The following PKD1 variants were observed in gnomAD, a reference collection of about 807,000 sequenced individuals.
The protein encoded by PKD1 is polycystin 1, transient receptor potential channel interacting.
A neutral mutation model predicts 361.7 loss-of-function variants in PKD1; 81 were observed. That is an observed-to-expected ratio of 0.22 (90% confidence interval 0.19 to 0.27). The LOEUF is 0.27. Ranked by LOEUF, PKD1 falls within the 10% of genes least tolerant of loss-of-function variation. The probability of loss-of-function intolerance (pLI) is 1.00; values close to 1 mark genes in which losing one functional copy is unlikely to be tolerated. For missense variants in PKD1, 6,399 were observed against 6,118.3 expected (o/e 1.05, Z -1.53); for synonymous variants, 3,615 against 2,818.3 (o/e 1.28, Z -8.95).
chr16:2,120,237 T>A (rs1049884709), intron 1 of PKD1: 5 of 214,780 alleles, frequency 2.3e-5, no homozygotes, highest in East Asian at 1.9e-4. Context: ...CATACATAAT[T>A]AATAAATAAA....
chr16:2,101,639 A>C (rs1207296741), intron 26 of PKD1, among the ~76,000 whole-genome samples: 1 of 152,258 alleles, frequency 6.6e-6, no homozygotes, highest in Non-Finnish European at 1.5e-5. Context: ...AAACGAAAAC[A>C]AAAAGGGAAT....
At position 2,096,472 on chromosome 16, in the gene PKD1, A is replaced by G. The variant is rs17596774; in HGVS notation, c.10499+676T>C. Among the ~76,000 whole-genome samples the G allele has an allele frequency of 7.8e-3, 1,187 of 152,368 alleles. 14 individuals carry two copies. Among genetic ancestry groups the G allele is most frequent in the Middle Eastern group, 0.044 (13 of 294 alleles). ...CGTGACTACATACAAGGTAACCTCT[A>G]TATGACCATTTGTTGATAAGTTACA... On this transcript the variant is annotated intron_variant, in intron 34 of 45. Coordinates refer to ENST00000262304, the MANE Select transcript of PKD1 (RefSeq NM_001009944.3).
Position 2,088,960 on chromosome 16 carries a change from G to A in PKD1, c.*767C>T, listed in dbSNP as rs1056230385. ...AGGAGTCTTTTCCTCTAACCACCCT[G>A]GGGTCCTCTGACATGCCTAGTCCTG... On this transcript the variant is annotated 3_prime_UTR_variant, in exon 46 of 46. Transcript: ENST00000262304. 10 of 333,194 alleles carry A rather than the reference G, an allele frequency of 3.0e-5. No individual in the cohort carries two copies. The highest frequency in any genetic ancestry group is 5.7e-5 in the Non-Finnish European group (10 of 175,550). The allele number at this position is 333,194 out of a possible 1,614,324, so 20.6% of individuals were successfully genotyped here.
rs758865304 is a variant in PKD1, at chr16:2,110,503, G to A, written c.4664C>T (p.Ala1555Val). The part of the protein sequence containing the change: ...KRRVRGLVVN[A>V]SRTVVPLNGS... The stretch of plus-strand genomic sequence containing the variant: ...ATTCAGGGGCACCACCGTGCGGCTT[G>A]CATTGACGACGAGCCCCCGCACGCG... The change falls in exon 15 of 46, where the codon GCA becomes GTA. Residue 1555 changes from alanine to valine, a missense_variant. Transcript: ENST00000262304. 6.8e-6 allele frequency: 11 copies of A among 1,612,040 alleles called. No homozygotes were observed. The highest frequency in any genetic ancestry group is 7.6e-6 in the Non-Finnish European group (9 of 1,179,832).
Position 2,117,523 on chromosome 16 carries a change from C to A in PKD1, c.1351G>T (p.Ala451Ser). 6.3e-7 allele frequency: 1 copy of A among 1,586,408 alleles called. No homozygotes were observed. Among genetic ancestry groups the A allele is most frequent in the South Asian group, 1.1e-5 (1 of 88,024 alleles). Residue 451 changes from alanine to serine, a missense_variant, in exon 6 of 46, where the codon GCC (alanine) becomes TCC (serine). By Grantham distance (99) the Ala-to-Ser change is moderately conservative. Transcript: ENST00000262304. ...GAALAMVDSP[A>S]VQRFLVSRVT... Reference sequence around the variant, plus strand: ...CGGGAGACCAGGAAGCGCTGCACGGCGGGACTGTCCACCATTGCCAGGGCG... The same window carrying A: ...CGGGAGACCAGGAAGCGCTGCACGGAGGGACTGTCCACCATTGCCAGGGCG...
Position 2,100,844 on chromosome 16 carries a change from C to G in PKD1, c.9398-278G>C. On this transcript the variant is annotated intron_variant, in intron 26 of 45. Coordinates refer to ENST00000262304, the MANE Select transcript of PKD1 (RefSeq NM_001009944.3). The surrounding 1 kb of genome is among the most constrained non-coding windows in gnomAD (Gnocchi z 4.4). The stretch of plus-strand genomic sequence containing the variant: ...CCTCAGTCCACACCACAACCAGTGA[C>G]CCGCACTGCACACCTGTCCACGCCT... The G allele has an allele frequency of 5.8e-6, 3 of 517,216 alleles. No homozygotes were observed. In the South Asian group the frequency reaches 6.0e-5, roughly 10 times the overall value. The allele number at this position is 517,216 out of a possible 1,614,324, so 32.0% of individuals were successfully genotyped here.
At chr16:2,105,289 G>A in intron 21 of PKD1, 33 bp downstream of exon 21, 2 of 1,590,330 alleles carry the variant, frequency 1.3e-6, no homozygotes, top group Non-Finnish European at 1.7e-6. Context: ...TGGCAGGCAT[G>A]CGGGGCAGGG....
intron 1 of PKD1, among the ~76,000 whole-genome samples, chr16:2,121,352 G>A (rs572595503): frequency 2.6e-5 from 4 of 151,426 alleles, no homozygotes; most frequent in African/African-American, 7.3e-5. Context: ...CATCCTGCAA[G>A]AGTGAAGCTC....
In PKD1 at chr16:2,088,734, CT is replaced by C; in HGVS notation, c.*992del. 7.5e-7 allele frequency: 1 copy of C among 1,334,970 alleles called. No homozygotes were observed. The highest frequency in any genetic ancestry group is 1.0e-6 in the Non-Finnish European group (1 of 980,744). The allele number at this position is 1,334,970 out of a possible 1,614,324, so 82.7% of individuals were successfully genotyped here. A position where few individuals can be genotyped will look rare whatever the true frequency, so the allele number is the denominator to read the frequency against. On this transcript the variant is annotated 3_prime_UTR_variant, in exon 46 of 46. Coordinates refer to ENST00000262304, the MANE Select transcript of PKD1 (RefSeq NM_001009944.3). ...TGCAGTCAGACAGCTCTTTTATTGA[CT>C]TTGTCTGCTTGGTGCGGGGGTTGGG... is the stretch of plus-strand genomic sequence containing the variant.
At position 2,088,874 on chromosome 16, in the gene PKD1, C is replaced by CGCGT; in HGVS notation, c.*852_*853insACGC. The CGCGT allele has an allele frequency of 4.2e-6, 2 of 473,788 alleles. No individual in the cohort carries two copies. The highest frequency in any genetic ancestry group is 7.5e-6 in the Non-Finnish European group (2 of 268,350). 29.3% of individuals were successfully genotyped at this position (473,788 alleles called of 1,614,324 possible). On this transcript the variant is annotated 3_prime_UTR_variant, in exon 46 of 46. Coordinates refer to ENST00000262304, the MANE Select transcript of PKD1 (RefSeq NM_001009944.3). ...GGGCCATACAGCACACTCGCGCGTG[C>CGCGT]GCGCGCGCACACACACACACACACA...
rs1428669259 is a variant in PKD1, at chr16:2,092,955, G to A, written c.11155C>T (p.Arg3719Trp). 4.3e-6 allele frequency: 7 copies of A among 1,612,988 alleles called. No individual in the cohort carries two copies. Among genetic ancestry groups the A allele is most frequent in the African/African-American group, 1.3e-5 (1 of 75,056 alleles). ...GACCAGTGCACCGGATGCCCGTACC[G>A]CGTGATGGCCAGGAAGGCCCGGCTG... Reference protein sequence around the residue: ...LHSRAFLAITRSEELWPWMAH... With the variant: ...LHSRAFLAITWSEELWPWMAH... The change falls in exon 38 of 46, where the codon CGG becomes TGG. Residue 3719 changes from arginine (R) to tryptophan (W), a missense_variant and splice_region_variant. Physicochemically the swap from Arg to Trp is moderately radical, Grantham distance 101 (BLOSUM62 -3). Coordinates refer to ENST00000262304, the MANE Select transcript of PKD1 (RefSeq NM_001009944.3).
chr16:2,123,798 C>A (rs901254047), intron 1 of PKD1, among the ~76,000 whole-genome samples: 3 of 152,192 alleles, frequency 2.0e-5, no homozygotes, highest in East Asian at 1.9e-4. Context: ...CCAGTTCCTG[C>A]TATGAGCTGG....
In PKD1 at chr16:2,102,834, G is replaced by A; in HGVS notation, c.8928C>T (p.Tyr2976=). The A allele has an allele frequency of 5.0e-6, 8 of 1,610,158 alleles. No homozygotes were observed. The South Asian group carries it at 7.7e-5, about 15-fold the overall frequency. Residue 2976 remains tyrosine (Y), a synonymous_variant, in exon 24 of 46, where the codon TAC becomes TAT. Coordinates refer to ENST00000262304, the MANE Select transcript of PKD1 (RefSeq NM_001009944.3). ...CTCACCCCGGGGAAATGAAGAAGGT[G>A]TAGGGCCGGTGGTCAGCACCCTGGA... The part of the protein sequence containing the change: ...ESLQGADHRP[Y]TFFISPGSRD...
intron 14 of PKD1, among the ~76,000 whole-genome samples, chr16:2,112,124 G>C (rs894154917): frequency 1.3e-5 from 2 of 152,236 alleles, no homozygotes; most frequent in African/African-American, 4.8e-5. Context: ...CCAGGCCCGG[G>C]GAGGGCGGGG....
intron 44 of PKD1, 35 bp from the exon 45 acceptor site, chr16:2,090,625 C>T (rs369546828): frequency 1.9e-6 from 3 of 1,608,692 alleles, no homozygotes; most frequent in African/African-American, 2.7e-5. Flanking sequence ...GGGCGTACAG[C>T]TGAGCTGAGC....
Position 2,090,919 on chromosome 16 carries a change from G to C in PKD1, c.11968C>G (p.Leu3990Val), listed in dbSNP as rs750067769. ...AGCAGGAAGAGCAGCGAGGCCGCCA[G>C]GCCACGGGCTGCGGAGCTCAGCTGC... ...VAQLSSAARG[L>V]AASLLFLLLV... is the part of the protein sequence containing the mutation. Residue 3990 changes from leucine to valine, a missense_variant, in exon 43 of 46, where the codon CTG becomes GTG. Transcript: ENST00000262304. 1 of 1,588,482 alleles carries C rather than the reference G, an allele frequency of 6.3e-7. No homozygotes were observed. The highest frequency in any genetic ancestry group is 8.5e-7 in the Non-Finnish European group (1 of 1,174,046).
Position 2,090,184 on chromosome 16 carries a change from T to G in PKD1, c.12455A>C (p.Lys4152Thr), listed in dbSNP as rs578031762. 47 of 1,603,982 alleles carry G rather than the reference T, an allele frequency of 2.9e-5. No individual in the cohort carries two copies. In the East Asian group the frequency reaches 9.8e-4, roughly 34 times the overall value. Residue 4152 changes from lysine to threonine, a missense_variant, in exon 46 of 46, where the codon AAA becomes ACA. Transcript: ENST00000262304. ...GLSKVKEFRHKVRFEGMEPLP... is the reference protein window; with the variant it reads ...GLSKVKEFRHTVRFEGMEPLP... ...CGGCTCCATCCCTTCAAAGCGGACT[T>G]TGTGGCGGAACTGGGGGCGGCACAG...
At chr16:2,116,405 C>T (rs1320268218) in intron 8 of PKD1, 124 bp downstream of exon 8, 9 of 637,740 alleles carry the variant, frequency 1.4e-5, no homozygotes, top group South Asian at 9.0e-5. Context: ...TCCCAACCAT[C>T]TTCACTGGGC....
chr16:2,094,232 G>C (rs774653853), intron 34 of PKD1, 22 bp from the exon 35 acceptor site: 2 of 1,446,462 alleles, frequency 1.4e-6, no homozygotes, highest in South Asian at 1.1e-5. Context: ...GGTAGGCTGT[G>C]AATTCATCCC....
Sources: allele counts gnomAD v4.1 joint callset (sites outside exome capture counted in the v4.1 genomes callset), GRCh38; gene constraint gnomAD v4.1.1; non-coding constraint Gnocchi (gnomAD v3.1); transcripts MANE v1.5; gene names NCBI Gene and HGNC (gene_info 2026-07-23, HGNC 2026-07-21).